The following SLC7A14 variants were observed in gnomAD, a reference collection of about 807,000 sequenced individuals.
The protein encoded by SLC7A14 is gamma-aminobutyric acid transporter SLC7A14.
SLC7A14 carries 37 observed loss-of-function variants against 60.2 expected under a neutral mutation model. The observed-to-expected ratio is 0.61, with a 90% CI of 0.47 to 0.81. The LOEUF is 0.81. Among genes scored for constraint, SLC7A14 ranks in the 30% least tolerant of loss-of-function variants. The pLI is 0.00. For synonymous variants in SLC7A14, 399 were observed against 395.8 expected (o/e 1.01, Z -0.10); for missense variants, 886 against 982.7 (o/e 0.90, Z 1.32).
At chr3:170,583,478 A>G (rs1304255067) in intron 1 of SLC7A14, among the ~76,000 whole-genome samples, 1 of 152,228 alleles carries the variant, frequency 6.6e-6, no homozygotes, top group African/African-American at 2.4e-5. Context: ...AGCAGTATGG[A>G]AGAGTATTTC....
chr3:170,526,496 G>A, intron 2 of SLC7A14, 137 bp downstream of exon 2: 2 of 1,070,554 alleles, frequency 1.9e-6, no homozygotes, highest in Middle Eastern at 2.4e-4. Context: ...TGGCAGTCAA[G>A]GCAAAAAAGA....
intron 1 of SLC7A14, among the ~76,000 whole-genome samples, chr3:170,552,012 C>A (rs1714367375): frequency 6.6e-6 from 1 of 152,124 alleles, no homozygotes; most frequent in Non-Finnish European, 1.5e-5. Context: ...AGACTTATGA[C>A]TATATTTTCT....
At chr3:170,546,195 A>G (rs976468221) in intron 1 of SLC7A14, among the ~76,000 whole-genome samples, 2 of 152,250 alleles carry the variant, frequency 1.3e-5, no homozygotes, top group African/African-American at 4.8e-5. Flanking sequence ...GCTCTCAGAC[A>G]GAAGCAGACA....
chr3:170,489,748 C>T (rs1415842337), intron 4 of SLC7A14, among the ~76,000 whole-genome samples: 2 of 152,258 alleles, frequency 1.3e-5, no homozygotes, highest in African/African-American at 4.8e-5. Flanking sequence ...CAATTGAGTA[C>T]TATGCAGCCA....
intron 2 of SLC7A14, among the ~76,000 whole-genome samples, chr3:170,508,659 A>T (rs768315691): frequency 6.6e-6 from 1 of 152,194 alleles, no homozygotes; most frequent in Non-Finnish European, 1.5e-5. Flanking sequence ...CTCACCAAAT[A>T]CAGCATTTTG....
chr3:170,555,813 A>G (rs945365685), intron 1 of SLC7A14, among the ~76,000 whole-genome samples: 1 of 152,230 alleles, frequency 6.6e-6, no homozygotes, highest in Admixed American at 6.5e-5. Flanking sequence ...GCACATGACT[A>G]TAGTGACATA....
intron 1 of SLC7A14, among the ~76,000 whole-genome samples, chr3:170,573,586 A>G (rs1715007345): frequency 6.6e-6 from 1 of 152,388 alleles, no homozygotes; most frequent in Non-Finnish European, 1.5e-5. Context: ...GTATTATAAC[A>G]TGCCTAGAAT....
At chr3:170,526,341 T>G (rs1424711089) in intron 2 of SLC7A14, among the ~76,000 whole-genome samples, 1 of 145,118 alleles carries the variant, frequency 6.9e-6, no homozygotes. Context: ...GGTGGAGGTT[T>G]CAGTGAGCTG....
intron 2 of SLC7A14, among the ~76,000 whole-genome samples, chr3:170,520,833 A>G (rs1560267921): frequency 1.3e-5 from 2 of 152,214 alleles, no homozygotes; most frequent in East Asian, 1.9e-4. Context: ...CACTACTCAA[A>G]TAAGAGCCTC....
At chr3:170,553,550 C>CT (rs774348950) in intron 1 of SLC7A14, among the ~76,000 whole-genome samples, 10 of 152,138 alleles carry the variant, frequency 6.6e-5, no homozygotes, top group Admixed American at 5.9e-4. Context: ...TGGGGCAAAG[C>CT]TTTTTTGTCC....
intron 1 of SLC7A14, among the ~76,000 whole-genome samples, chr3:170,577,611 C>T (rs532760577): frequency 1.1e-4 from 13 of 120,306 alleles, no homozygotes; most frequent in East Asian, 4.8e-4. Flanking sequence ...GGCGACAGAG[C>T]GAGACTCCGT....
intron 5 of SLC7A14, among the ~76,000 whole-genome samples, chr3:170,484,320 C>T (rs1711946079): frequency 6.6e-6 from 1 of 152,152 alleles, no homozygotes; most frequent in South Asian, 2.1e-4. Flanking sequence ...CCCTACCACC[C>T]CTCCTTCAAC....
In SLC7A14 at chr3:170,462,310, A is replaced by T. The variant is rs1483455442; in HGVS notation, c.*4745T>A. The T allele has an allele frequency of 1.3e-5, 2 of 152,162 alleles. No homozygotes were observed. Among genetic ancestry groups the T allele is most frequent in the African/African-American group, 4.8e-5 (2 of 41,438 alleles). The allele number at this position is 152,162 out of a possible 1,614,324, so 9.4% of individuals were successfully genotyped here. Reference sequence around the variant, plus strand: ...TTCTTGTAAGGTAGACTTCCAACAAATGTTGGATGTCTAACAAATGTTGGA... The same window carrying T: ...TTCTTGTAAGGTAGACTTCCAACAATTGTTGGATGTCTAACAAATGTTGGA... On this transcript the variant is annotated 3_prime_UTR_variant, in exon 8 of 8. Transcript: ENST00000231706.
intron 1 of SLC7A14, among the ~76,000 whole-genome samples, chr3:170,584,938 G>T (rs1715341435): frequency 6.6e-6 from 1 of 152,172 alleles, no homozygotes; most frequent in South Asian, 2.1e-4. Flanking sequence ...TCACACAGGT[G>T]GGGGGATGAG....
At chr3:170,511,520 G>C (rs563695943) in intron 2 of SLC7A14, among the ~76,000 whole-genome samples, 1 of 152,264 alleles carries the variant, frequency 6.6e-6, no homozygotes, top group South Asian at 2.1e-4. Flanking sequence ...TACTATGCAG[G>C]TTGTTATGAG....
intron 2 of SLC7A14, among the ~76,000 whole-genome samples, chr3:170,510,396 A>T (rs894343928): frequency 2.8e-5 from 4 of 143,356 alleles, no homozygotes; most frequent in African/African-American, 1.1e-4. Context: ...TCAAAAAAAA[A>T]AAAATAAATA....
chr3:170,538,818 AC>A (rs1320140005), intron 1 of SLC7A14, among the ~76,000 whole-genome samples: 1 of 152,206 alleles, frequency 6.6e-6, no homozygotes, highest in Non-Finnish European at 1.5e-5. Flanking sequence ...CTCCCCACTG[AC>A]CATAAAGATT....
intron 1 of SLC7A14, among the ~76,000 whole-genome samples, chr3:170,573,010 CCT>C: frequency 6.6e-6 from 1 of 152,136 alleles, no homozygotes; most frequent in Non-Finnish European, 1.5e-5. Flanking sequence ...GGAGTCTATT[CCT>C]TCAGCATTTT....
At chr3:170,557,150 C>T (rs1473345319) in intron 1 of SLC7A14, among the ~76,000 whole-genome samples, 1 of 152,154 alleles carries the variant, frequency 6.6e-6, no homozygotes, top group Non-Finnish European at 1.5e-5. Flanking sequence ...GTGGTAGCTT[C>T]CTGCCTTATT....
Sources: allele counts gnomAD v4.1 joint callset (sites outside exome capture counted in the v4.1 genomes callset), GRCh38; gene constraint gnomAD v4.1.1; transcripts MANE v1.5; gene names NCBI Gene and HGNC (gene_info 2026-07-23, HGNC 2026-07-21).